MYOM1: variants seen among roughly 807,000 people sequenced by gnomAD.
MYOM1 encodes the protein myomesin 1, also known as myomesin-1.
Under a neutral mutation model 205.3 loss-of-function variants are expected in MYOM1, and 164 were observed. The ratio of observed to expected loss-of-function variants is 0.80; its 90% CI spans 0.70 to 0.91. MYOM1 has a LOEUF of 0.91. Among genes scored for constraint, MYOM1 ranks in the 40% least tolerant of loss-of-function variants. The probability of loss-of-function intolerance (pLI) is 0.00; values close to 1 mark genes in which losing one functional copy is unlikely to be tolerated. For missense variants in MYOM1, 2,011 were observed against 2,127.3 expected (o/e 0.95, Z 1.08); for synonymous variants, 772 against 789.4 (o/e 0.98, Z 0.37).
chr18:3,108,097 T>C (rs1206839278), intron 22 of MYOM1, among the ~76,000 whole-genome samples: 1 of 152,202 alleles, frequency 6.6e-6, no homozygotes, highest in Non-Finnish European at 1.5e-5. Context: ...TGTAGGCATC[T>C]TGGTCTTCTA....
chr18:3,147,564 A>G (rs1167842569), intron 13 of MYOM1, among the ~76,000 whole-genome samples: 4 of 152,188 alleles, frequency 2.6e-5, no homozygotes, highest in African/African-American at 4.8e-5. Flanking sequence ...GAAGACTTAT[A>G]CTGATTTGAA....
At chr18:3,154,895 C>T (rs1399165394) in intron 11 of MYOM1, 52 bp downstream of exon 11, 2 of 1,560,282 alleles carry the variant, frequency 1.3e-6, no homozygotes, top group Non-Finnish European at 8.7e-7. Flanking sequence ...AGAAATCAAG[C>T]ACGCATCTCT....
At chr18:3,083,595 A>ATTTTTTT (rs59299057) in intron 33 of MYOM1, among the ~76,000 whole-genome samples, 194 bp downstream of exon 33, 152 of 107,000 alleles carry the variant, frequency 1.4e-3, no homozygotes, top group Middle Eastern at 5.2e-3. Context: ...CGCCCAGCTC[A>ATTTTTTT]TTTTTTTTTT....
chr18:3,172,610 A>G (rs541613575), intron 8 of MYOM1, among the ~76,000 whole-genome samples: 3 of 152,138 alleles, frequency 2.0e-5, no homozygotes, highest in South Asian at 2.1e-4. Context: ...CCCCAGTTCA[A>G]GCGATTCTCC....
chr18:3,186,839 G>T (rs2080822380), intron 5 of MYOM1, among the ~76,000 whole-genome samples: 1 of 124,764 alleles, frequency 8.0e-6, no homozygotes, highest in African/African-American at 3.0e-5. Flanking sequence ...AGAAAGAAGA[G>T]AAAAGAAAGA....
intron 14 of MYOM1, among the ~76,000 whole-genome samples, chr18:3,137,781 A>AT (rs2079991862): frequency 6.6e-6 from 1 of 152,202 alleles, no homozygotes. Context: ...GTAATTTATT[A>AT]TATATTTCAA....
chr18:3,200,803 G>T (rs1293725967), intron 2 of MYOM1, among the ~76,000 whole-genome samples: 1 of 151,984 alleles, frequency 6.6e-6, no homozygotes, highest in Non-Finnish European at 1.5e-5. Flanking sequence ...GAGAGAAAGG[G>T]CAGGAAAATA....
intron 14 of MYOM1, among the ~76,000 whole-genome samples, chr18:3,137,803 G>T (rs1341629055): frequency 6.6e-6 from 1 of 152,126 alleles, no homozygotes; most frequent in Middle Eastern, 3.2e-3. Flanking sequence ...ATACCTAAAA[G>T]ATAAGATTTG....
chr18:3,173,305 T>C (rs939617662), intron 8 of MYOM1, among the ~76,000 whole-genome samples: 2 of 152,196 alleles, frequency 1.3e-5, no homozygotes, highest in African/African-American at 4.8e-5. Context: ...ATTTATTTAT[T>C]CATTTCATTA....
Position 3,075,730 on chromosome 18 carries a change from C to T in MYOM1, c.4680G>A (p.Arg1560=), listed in dbSNP as rs771681698. Residue 1560 remains arginine (R), a synonymous_variant, in exon 35 of 38, where the codon AGG becomes AGA. Transcript: ENST00000356443. ...TGCTAGGACCAGGGACTTACTTCAA[C>T]CTCTGGAATTCAGCATAGGCCTCAT... is the stretch of plus-strand genomic sequence containing the variant. The part of the protein sequence containing the change: ...AYDEAYAEFQ[R]LKQAAIAEKN... The T allele has an allele frequency of 4.4e-6, 7 of 1,600,770 alleles. No individual in the cohort carries two copies. The highest frequency in any genetic ancestry group is 4.5e-5 in the East Asian group (2 of 44,516).
intron 10 of MYOM1, among the ~76,000 whole-genome samples, chr18:3,159,381 C>A (rs1328650304): frequency 6.6e-6 from 1 of 152,116 alleles, no homozygotes; most frequent in Non-Finnish European, 1.5e-5. Context: ...AAACAATGCC[C>A]TGAAGTGACC....
At chr18:3,210,513 G>T (rs28668107) in intron 2 of MYOM1, among the ~76,000 whole-genome samples, 5,496 of 152,190 alleles carry the variant, frequency 0.036, 278 homozygotes, top group African/African-American at 0.12. Flanking sequence ...AAATATCTAT[G>T]TCTGATTCTA....
At chr18:3,083,520 C>T (rs984476146) in intron 33 of MYOM1, among the ~76,000 whole-genome samples, 3 of 149,144 alleles carry the variant, frequency 2.0e-5, no homozygotes, top group Non-Finnish European at 3.0e-5. Flanking sequence ...CATCCGCCTC[C>T]TGGGTTCAAG....
At position 3,149,168 on chromosome 18, in the gene MYOM1, A is replaced by G. The variant is rs373827799; in HGVS notation, c.1877T>C (p.Ile626Thr). The change falls in exon 13 of 38, where the codon ATT (isoleucine) becomes ACT (threonine). Residue 626 changes from isoleucine (I) to threonine (T), a missense_variant. Transcript: ENST00000356443. The part of the protein sequence containing the change: ...RPSAPWTGQI[I>T]VTEEEPSEGI... ...ACCTGAAGGTTCCTCTTCAGTAACA[A>G]TGATCTGTCCAGTCCAGGGTGCTGA... 2.2e-5 allele frequency: 36 copies of G among 1,613,802 alleles called. No individual in the cohort carries two copies. Among genetic ancestry groups the G allele is most frequent in the Non-Finnish European group, 3.0e-5 (35 of 1,179,826 alleles).
chr18:3,208,085 C>T (rs372974040), intron 2 of MYOM1, among the ~76,000 whole-genome samples: 3 of 152,160 alleles, frequency 2.0e-5, no homozygotes, highest in African/African-American at 4.8e-5. Context: ...ATTATGTGAA[C>T]CTGTTGTTAC....
chr18:3,172,640 G>A (rs183265254), intron 8 of MYOM1, among the ~76,000 whole-genome samples: 2 of 152,236 alleles, frequency 1.3e-5, no homozygotes, highest in East Asian at 3.9e-4. Context: ...CTCCTGAGTA[G>A]CTGGGATTAC....
At chr18:3,168,668 C>T (rs769227663) in intron 9 of MYOM1, 149 bp downstream of exon 9, 9 of 661,560 alleles carry the variant, frequency 1.4e-5, no homozygotes, top group Admixed American at 3.4e-5. Flanking sequence ...GAAAGTGTTG[C>T]TACTTTGCTA....
intron 19 of MYOM1, among the ~76,000 whole-genome samples, chr18:3,121,662 TTC>T (rs1332813429): frequency 3.9e-5 from 6 of 152,200 alleles, no homozygotes; most frequent in African/African-American, 9.7e-5. Flanking sequence ...GCCCTTCTGT[TTC>T]TGAGACAAGA....
the MYOM1 span, among the ~76,000 whole-genome samples, chr18:3,226,670 G>A: frequency 2.6e-5 from 4 of 152,104 alleles, no homozygotes; most frequent in Admixed American, 2.6e-4. This position sits in a 1 kb window ranked among gnomAD's most constrained non-coding sequence, Gnocchi z 4.6. Flanking sequence ...TGGTATTTAC[G>A]TGTTTACTTT....
Sources: allele counts gnomAD v4.1 joint callset (sites outside exome capture counted in the v4.1 genomes callset), GRCh38; gene constraint gnomAD v4.1.1; non-coding constraint Gnocchi (gnomAD v3.1); transcripts MANE v1.5; gene names NCBI Gene and HGNC (gene_info 2026-07-23, HGNC 2026-07-21).